Variants in ARHGEF7 observed in about 807,000 individuals in gnomAD.
The protein encoded by ARHGEF7 is Rho guanine nucleotide exchange factor 7.
In ARHGEF7, 33 loss-of-function variants were observed where a neutral mutation model predicts 109.8. That is an observed-to-expected ratio of 0.30 (90% CI 0.23 to 0.40). The LOEUF is 0.40. Ranked by LOEUF, ARHGEF7 falls within the 10% of genes least tolerant of loss-of-function variation. The probability of loss-of-function intolerance (pLI) is 1.00; values close to 1 mark genes in which losing one functional copy is unlikely to be tolerated. For missense variants in ARHGEF7, 938 were observed against 1,098.5 expected, an observed-to-expected ratio of 0.85 and a Z score of 2.07; for synonymous variants, 458 against 424.6, an observed-to-expected ratio of 1.08 and a Z score of -0.97.
At chr13:111,297,108 G>A (rs1218239403) in intron 19 of ARHGEF7, among the ~76,000 whole-genome samples, 2 of 152,134 alleles carry the variant, frequency 1.3e-5, no homozygotes, top group Non-Finnish European at 2.9e-5. Context: ...CTAAAACATC[G>A]TTCTTTAAAG....
At position 111,153,922 on chromosome 13, in the gene ARHGEF7, G is replaced by A. The variant is rs929074574; in HGVS notation, c.183G>A (p.Arg61=). The A allele has an allele frequency of 6.2e-7, 1 of 1,605,492 alleles. No homozygotes were observed. ...TATTGCAGGTCTACCCCGAGCCCCG[G>A]AGCGAGAGCGAGTGCCTGAGCAACA... ...GTIEKVYPEP[R]SESECLSNIR... Residue 61 remains arginine, a synonymous_variant, in exon 2 of 22, where the codon CGG becomes CGA. Coordinates refer to ENST00000646102, the MANE Select transcript of ARHGEF7 (RefSeq NM_001354046.2).
chr13:111,197,744 T>C (rs1157102790), intron 2 of ARHGEF7, among the ~76,000 whole-genome samples: 1 of 152,198 alleles, frequency 6.6e-6, no homozygotes, highest in Non-Finnish European at 1.5e-5. Flanking sequence ...GTACCCCCTA[T>C]GACAGGGCTT....
intron 16 of ARHGEF7, among the ~76,000 whole-genome samples, chr13:111,283,600 G>T (rs987838977): frequency 6.6e-6 from 1 of 152,240 alleles, no homozygotes; most frequent in African/African-American, 2.4e-5. Context: ...GCACAGGGGG[G>T]CCTTTACTGC....
chr13:111,143,059 G>T (rs1383632763), intron 1 of ARHGEF7, among the ~76,000 whole-genome samples: 1 of 152,190 alleles, frequency 6.6e-6, no homozygotes, highest in Non-Finnish European at 1.5e-5. Context: ...AAATCTGAGT[G>T]GTGGAGGCAA....
At chr13:111,285,903 G>A (rs970874722) in intron 16 of ARHGEF7, among the ~76,000 whole-genome samples, 5 of 151,474 alleles carry the variant, frequency 3.3e-5, no homozygotes, top group Non-Finnish European at 1.5e-5. Context: ...CAAATGACAC[G>A]AGGGGTTTTA....
At chr13:111,216,195 C>G (rs528382791) in intron 4 of ARHGEF7, among the ~76,000 whole-genome samples, 1 of 152,204 alleles carries the variant, frequency 6.6e-6, no homozygotes, top group African/African-American at 2.4e-5. Flanking sequence ...GCTCTGCCCT[C>G]TTAGACTCAG....
At chr13:111,185,277 G>A (rs969356221) in intron 2 of ARHGEF7, 1 of 152,310 alleles carries the variant, frequency 6.6e-6, no homozygotes, top group Non-Finnish European at 1.5e-5. Flanking sequence ...GTGCTCCTGG[G>A]GCTCCCTTAC....
At chr13:111,148,346 T>A (rs939408136) in intron 1 of ARHGEF7, among the ~76,000 whole-genome samples, 1 of 152,274 alleles carries the variant, frequency 6.6e-6, no homozygotes, top group Non-Finnish European at 1.5e-5. Context: ...AGCCAGGCAC[T>A]ACTTACTATA....
chr13:111,201,933 C>T (rs573903479), intron 2 of ARHGEF7, among the ~76,000 whole-genome samples: 8 of 152,236 alleles, frequency 5.3e-5, no homozygotes, highest in African/African-American at 1.7e-4. Context: ...CTTCTTTTAT[C>T]CCTGATTTGG....
chr13:111,197,275 G>C (rs796456704), intron 2 of ARHGEF7, among the ~76,000 whole-genome samples: 4 of 151,916 alleles, frequency 2.6e-5, no homozygotes, highest in African/African-American at 9.7e-5. Flanking sequence ...GGACCCTGCT[G>C]ATCGGAACAG....
Position 111,280,543 on chromosome 13 carries a change from A to G in ARHGEF7, c.1591A>G (p.Met531Val), listed in dbSNP as rs750377359. The change falls in exon 15 of 22, where the codon ATG becomes GTG. Residue 531 changes from methionine (M) to valine (V), a missense_variant. By Grantham distance (21) the Met-to-Val change is conservative. This residue lies in a region of ARHGEF7 where 585 missense variants were observed against 723.6 expected (regional missense o/e 0.81). Coordinates refer to ENST00000646102, the MANE Select transcript of ARHGEF7 (RefSeq NM_001354046.2). ...HRNAFEISGS[M>V]IERILVSCNN... The stretch of plus-strand genomic sequence containing the variant: ...TTTTTCCTTCTCTCCTATAGGGAGC[A>G]TGATTGAGCGGATATTAGTGTCGTG... 1.9e-5 allele frequency: 30 copies of G among 1,604,812 alleles called. No individual in the cohort carries two copies. The highest frequency in any genetic ancestry group is 6.9e-5 in the Admixed American group (4 of 58,228).
chr13:111,201,319 A>C (rs999477456), intron 2 of ARHGEF7, among the ~76,000 whole-genome samples: 4 of 152,206 alleles, frequency 2.6e-5, no homozygotes, highest in African/African-American at 9.7e-5. Context: ...ACAGAGGGCA[A>C]GATAATTTTC....
rs2090677053 is a variant in ARHGEF7, at chr13:111,258,285, G to C, written c.951-9263G>C. Reference sequence around the variant, plus strand: ...ACAACCACAGGCAGTGCAGCCTGCAGCTCCAGTGAGACTCCTCCCACAACC... The same window carrying C: ...ACAACCACAGGCAGTGCAGCCTGCACCTCCAGTGAGACTCCTCCCACAACC... On this transcript the variant is annotated intron_variant, in intron 8 of 21. Transcript: ENST00000646102. The surrounding 1 kb of genome is among the most constrained non-coding windows in gnomAD (Gnocchi z 4.4). Among the ~76,000 whole-genome samples the C allele has an allele frequency of 1.3e-5, 2 of 151,044 alleles. No individual in the cohort carries two copies. The highest frequency in any genetic ancestry group is 3.0e-5 in the Non-Finnish European group (2 of 67,748).
intron 2 of ARHGEF7, among the ~76,000 whole-genome samples, chr13:111,194,385 G>A (rs1038460331): frequency 1.3e-5 from 2 of 152,150 alleles, no homozygotes; most frequent in African/African-American, 4.8e-5. Context: ...GAGGGGCCTG[G>A]CTATCTCGCT....
intron 8 of ARHGEF7, among the ~76,000 whole-genome samples, chr13:111,247,064 A>G (rs2088980060): frequency 6.6e-6 from 1 of 152,210 alleles, no homozygotes; most frequent in Non-Finnish European, 1.5e-5. Context: ...CTACATGTAT[A>G]CGAGGTGTTA....
intron 1 of ARHGEF7, among the ~76,000 whole-genome samples, chr13:111,127,266 C>T (rs1446815244): frequency 2.6e-5 from 4 of 152,130 alleles, no homozygotes; most frequent in African/African-American, 9.7e-5. Flanking sequence ...AGATAAAATT[C>T]TTCTCATAAA....
At chr13:111,187,962 T>C (rs1183327997) in intron 2 of ARHGEF7, among the ~76,000 whole-genome samples, 1 of 152,224 alleles carries the variant, frequency 6.6e-6, no homozygotes, top group African/African-American at 2.4e-5. Context: ...GCTCATCCCT[T>C]CTGTAGTTGG....
intron 1 of ARHGEF7, among the ~76,000 whole-genome samples, chr13:111,139,068 A>T (rs2075222905): frequency 6.6e-6 from 1 of 152,236 alleles, no homozygotes; most frequent in African/African-American, 2.4e-5. Context: ...AAGAAATAAA[A>T]CTTATGAAAA....
At chr13:111,122,244 G>C (rs564566570) in intron 1 of ARHGEF7, among the ~76,000 whole-genome samples, 1 of 152,148 alleles carries the variant, frequency 6.6e-6, no homozygotes, top group Non-Finnish European at 1.5e-5. Context: ...GGGCTGAGCG[G>C]GTGGACTCAG....
Sources: gnomAD v4.1 joint callset for allele counts (sites outside exome capture counted in the v4.1 genomes callset) on GRCh38, gnomAD v4.1.1 for gene constraint, gnomAD v4.1.1 regional missense constraint, Gnocchi (gnomAD v3.1) non-coding constraint, MANE v1.5 for transcripts, NCBI Gene and HGNC (gene_info 2026-07-23, HGNC 2026-07-21) for gene names.